SGCZ: variants seen among roughly 807,000 people sequenced by gnomAD.
The protein encoded by SGCZ is zeta-sarcoglycan.
In SGCZ, 40 loss-of-function variants were observed where a neutral mutation model predicts 41.3. The ratio of observed to expected loss-of-function variants is 0.97; its 90% CI spans 0.75 to 1.26. The LOEUF (loss-of-function observed/expected upper bound fraction) is 1.26. Among genes scored for constraint, SGCZ ranks in the 50% most tolerant of loss-of-function variants. The pLI is 0.00. For synonymous variants in SGCZ, 206 were observed against 137.5 expected (o/e 1.50, Z -3.49); for missense variants, 552 against 369.8 (o/e 1.49, Z -4.04).
chr8:14,214,530 T>C (rs1563189933), intron 4 of SGCZ, among the ~76,000 whole-genome samples: 2 of 152,156 alleles, frequency 1.3e-5, no homozygotes, highest in Non-Finnish European at 2.9e-5. Flanking sequence ...AGTTTTACTA[T>C]AAGTCTGCAA....
chr8:14,858,732 G>A (rs2130672881), intron 1 of SGCZ, among the ~76,000 whole-genome samples: 1 of 152,096 alleles, frequency 6.6e-6, no homozygotes, highest in African/African-American at 2.4e-5. Context: ...TTGGTCATCT[G>A]GAAAATACTG....
chr8:14,757,669 AG>A (rs1203654055), intron 1 of SGCZ, among the ~76,000 whole-genome samples: 3 of 152,226 alleles, frequency 2.0e-5, no homozygotes, highest in Admixed American at 2.0e-4. Flanking sequence ...TCGGTTTCAC[AG>A]CAACTCTAGC....
intron 3 of SGCZ, among the ~76,000 whole-genome samples, chr8:14,307,169 C>T (rs188557071): frequency 1.2e-4 from 18 of 152,240 alleles, no homozygotes; most frequent in Admixed American, 5.2e-4. Context: ...ATATCAGACA[C>T]ATGAAAAAAT....
chr8:14,898,037 G>A (rs979392521), intron 1 of SGCZ, among the ~76,000 whole-genome samples: 2 of 151,988 alleles, frequency 1.3e-5, no homozygotes, highest in African/African-American at 4.8e-5. Flanking sequence ...ACGAACAGAT[G>A]TGTTTAGTAT....
intron 2 of SGCZ, among the ~76,000 whole-genome samples, chr8:14,475,231 A>G (rs1385625033): frequency 1.3e-5 from 2 of 152,180 alleles, no homozygotes; most frequent in African/African-American, 4.8e-5. Flanking sequence ...TTGCTTTTTT[A>G]TTCCAGTATA....
intron 5 of SGCZ, among the ~76,000 whole-genome samples, chr8:14,163,868 G>GT (rs1328927115): frequency 1.3e-5 from 2 of 152,056 alleles, no homozygotes; most frequent in South Asian, 2.1e-4. Flanking sequence ...TTTTCTTCTT[G>GT]TTTTTTAAAA....
At chr8:14,193,575 C>T (rs905972813) in intron 4 of SGCZ, among the ~76,000 whole-genome samples, 2 of 151,924 alleles carry the variant, frequency 1.3e-5, no homozygotes, top group African/African-American at 2.4e-5. Context: ...CTGCTCTCTA[C>T]AATAATTTAA....
chr8:14,713,897 A>T (rs1040150316), intron 1 of SGCZ, among the ~76,000 whole-genome samples: 1 of 152,144 alleles, frequency 6.6e-6, no homozygotes, highest in African/African-American at 2.4e-5. Context: ...TTAACTTACG[A>T]TATTTTTTAA....
At chr8:15,111,260 C>T (rs187650101) in intron 1 of SGCZ, among the ~76,000 whole-genome samples, 101 of 152,222 alleles carry the variant, frequency 6.6e-4, no homozygotes, top group African/African-American at 2.4e-3. Context: ...TAGAAAAACC[C>T]CCATTTCCAC....
chr8:14,444,015 G>A lies in SGCZ; in HGVS notation c.234+110717C>T, dbSNP rs374755636. On this transcript the variant is annotated intron_variant, in intron 2 of 7. Transcript: ENST00000382080. Reference sequence around the variant, plus strand: ...AAGTGGGTGAAGGATATGAACAGACGCTTCTCAAAAGAAGACATTTATGCA... The same window carrying A: ...AAGTGGGTGAAGGATATGAACAGACACTTCTCAAAAGAAGACATTTATGCA... Among the ~76,000 whole-genome samples, 431 of 151,752 alleles carry A rather than the reference G, an allele frequency of 2.8e-3. 4 individuals carry two copies. Among genetic ancestry groups the A allele is most frequent in the East Asian group, 0.015 (79 of 5,108 alleles).
intron 4 of SGCZ, among the ~76,000 whole-genome samples, chr8:14,237,364 T>C (rs1245084074): frequency 6.6e-6 from 1 of 152,068 alleles, no homozygotes; most frequent in African/African-American, 2.4e-5. Context: ...ATACTTCCAC[T>C]TTTCTCAATT....
intron 1 of SGCZ, among the ~76,000 whole-genome samples, chr8:15,025,638 T>C (rs1803427652): frequency 6.6e-6 from 1 of 152,170 alleles, no homozygotes; most frequent in Non-Finnish European, 1.5e-5. Flanking sequence ...ACTGCTAACA[T>C]GCCATGTAGG....
chr8:15,075,487 A>C (rs1352919312), intron 1 of SGCZ, among the ~76,000 whole-genome samples: 5 of 152,170 alleles, frequency 3.3e-5, no homozygotes, highest in African/African-American at 1.2e-4. Context: ...CATAGAGCTA[A>C]AAGAAGCATT....
At chr8:14,408,508 G>C (rs943205967) in intron 2 of SGCZ, among the ~76,000 whole-genome samples, 2 of 152,042 alleles carry the variant, frequency 1.3e-5, no homozygotes, top group African/African-American at 4.8e-5. Context: ...TCTCTCCCCT[G>C]AACTGCACAC....
chr8:14,893,422 G>A (rs1358713416), intron 1 of SGCZ, among the ~76,000 whole-genome samples: 1 of 152,036 alleles, frequency 6.6e-6, no homozygotes, highest in Non-Finnish European at 1.5e-5. Context: ...ATAAATATAA[G>A]GTGTTTTAAG....
At chr8:14,277,692 G>C (rs1275793586) in intron 3 of SGCZ, among the ~76,000 whole-genome samples, 1 of 152,246 alleles carries the variant, frequency 6.6e-6, no homozygotes, top group Non-Finnish European at 1.5e-5. Flanking sequence ...TTGAATTAAA[G>C]TAAATTGGCA....
At chr8:14,894,842 T>C (rs1467676342) in intron 1 of SGCZ, among the ~76,000 whole-genome samples, 1 of 152,104 alleles carries the variant, frequency 6.6e-6, no homozygotes, top group African/African-American at 2.4e-5. Context: ...CACAAGCAAG[T>C]TACTTCTCCT....
Position 14,908,743 on chromosome 8 carries a change from C to CAAAA in SGCZ, c.39+328838_39+328841dup, listed in dbSNP as rs58817872. On this transcript the variant is annotated intron_variant, in intron 1 of 7. Transcript: ENST00000382080. ...CCAGCCTGGTGATCTGTCACCGTTG[C>CAAAA]AAAAAAAAAAAAAAAAAAAAGAGAG... Among the ~76,000 whole-genome samples, 104 of 90,812 alleles carry CAAAA rather than the reference C, an allele frequency of 1.1e-3. 1 individual carries two copies. Among genetic ancestry groups the CAAAA allele is most frequent in the African/African-American group, 2.3e-3 (57 of 24,448 alleles). The allele number at this position is 90,812 out of a possible 152,430, so 59.6% of individuals were successfully genotyped here. A position where few individuals can be genotyped will look rare whatever the true frequency, so the allele number is the denominator to read the frequency against.
chr8:14,901,250 C>T (rs1479820581), intron 1 of SGCZ, among the ~76,000 whole-genome samples: 1 of 152,080 alleles, frequency 6.6e-6, no homozygotes, highest in Non-Finnish European at 1.5e-5. Context: ...AATAATTGCT[C>T]CATAAAATCC....
Sources: gnomAD v4.1 joint callset for allele counts (sites outside exome capture counted in the v4.1 genomes callset) on GRCh38, gnomAD v4.1.1 for gene constraint, MANE v1.5 for transcripts, NCBI Gene and HGNC (gene_info 2026-07-23, HGNC 2026-07-21) for gene names.